The following MEIOSIN variants were observed in gnomAD, a reference collection of about 807,000 sequenced individuals.
The protein encoded by MEIOSIN is meiosis initiator protein.
Under a neutral mutation model 23.4 loss-of-function variants are expected in MEIOSIN, and 18 were observed. That is an observed-to-expected ratio of 0.77 (90% CI 0.53 to 1.14). The LOEUF (loss-of-function observed/expected upper bound fraction) is 1.14, where lower values mean the gene tolerates loss of function less well. MEIOSIN is among the 50% of genes most tolerant of loss of function. The pLI is 0.00. For synonymous variants in MEIOSIN, 187 were observed against 100.6 expected (o/e 1.86, Z -5.14); for missense variants, 428 against 242.9 (o/e 1.76, Z -5.07).
intron 3 of MEIOSIN, among the ~76,000 whole-genome samples, chr19:45,740,401 C>T (rs1211271239): frequency 6.6e-6 from 1 of 152,156 alleles, no homozygotes; most frequent in African/African-American, 2.4e-5. Flanking sequence ...CTGGGACTGT[C>T]CCCTGCTTTG....
rs374157018 is a variant in MEIOSIN, at chr19:45,762,822, C to T, written c.1680-516C>T. 1.7e-4 allele frequency among the ~76,000 whole-genome samples: 26 copies of T among 152,200 alleles called. No homozygotes were observed. In the East Asian group the frequency reaches 1.9e-3, roughly 11 times the overall value. On this transcript the variant is annotated intron_variant, in intron 13 of 14. Transcript: ENST00000457052. ...CCTTGAGACATAGCTGGTTTTAGGG[C>T]TCACACAGGCTGTCTGGAATCTTTG...
At chr19:45,741,890 A>G (rs1968512357) in intron 3 of MEIOSIN, among the ~76,000 whole-genome samples, 1 of 151,888 alleles carries the variant, frequency 6.6e-6, no homozygotes, top group South Asian at 2.1e-4. Flanking sequence ...TTATTTTTTG[A>G]GACGGAGCTT....
At chr19:45,735,773 C>T (rs1968399445) in intron 2 of MEIOSIN, among the ~76,000 whole-genome samples, 2 of 152,004 alleles carry the variant, frequency 1.3e-5, no homozygotes, top group Non-Finnish European at 2.9e-5. Flanking sequence ...GCCTCCTGAA[C>T]TCAAGTGATT....
At chr19:45,734,591 C>G (rs1345403215) in intron 1 of MEIOSIN, among the ~76,000 whole-genome samples, 1 of 151,672 alleles carries the variant, frequency 6.6e-6, no homozygotes, top group East Asian at 1.9e-4. Flanking sequence ...GCAGCCTTGA[C>G]CTCCTGGGCT....
intron 8 of MEIOSIN, among the ~76,000 whole-genome samples, chr19:45,756,761 C>G (rs1336427623): frequency 1.3e-5 from 2 of 152,082 alleles, no homozygotes; most frequent in Non-Finnish European, 2.9e-5. Flanking sequence ...TTCAGTGGCC[C>G]CCAACTCACC....
Position 45,764,479 on chromosome 19 carries a change from C to A in MEIOSIN, c.*361C>A, listed in dbSNP as rs934840692. On this transcript the variant is annotated 3_prime_UTR_variant, in exon 15 of 15. Coordinates refer to ENST00000457052, the MANE Select transcript of MEIOSIN (RefSeq NM_001310124.2). ...TCACCCTACTCCTCCCTCTCCTGTTCTATTTTTAGACTATTTATTGTTTTA... is the reference window on the plus strand; with the variant it reads ...TCACCCTACTCCTCCCTCTCCTGTTATATTTTTAGACTATTTATTGTTTTA... The A allele has an allele frequency of 4.6e-6, 1 of 217,606 alleles. No individual in the cohort carries two copies. The highest frequency in any genetic ancestry group is 2.3e-5 in the African/African-American group (1 of 43,976). 13.5% of individuals were successfully genotyped at this position (217,606 alleles called of 1,614,324 possible).
In MEIOSIN at chr19:45,764,082, C is replaced by T. The variant is rs1183139220; in HGVS notation, c.1881C>T (p.Ala627=). 3.3e-5 allele frequency: 13 copies of T among 398,506 alleles called. No homozygotes were observed. In the Admixed American group the frequency reaches 4.4e-4, roughly 13 times the overall value. 24.7% of individuals were successfully genotyped at this position (398,506 alleles called of 1,614,324 possible). ...CAAAGCCCTTCTACCAGCTGCTGGC[C>T]GAGAAGGCCTTGCCGCTGCCCCCGC... ...ETPKPFYQLL[A]EKALPLPPHL... is the part of the protein sequence containing the mutation. The change falls in exon 15 of 15, where the codon GCC becomes GCT. Residue 627 remains alanine, a synonymous_variant. Coordinates refer to ENST00000457052, the MANE Select transcript of MEIOSIN (RefSeq NM_001310124.2).
rs941194043 is a variant in MEIOSIN, at chr19:45,762,009, C to T, written c.1505C>T (p.Thr502Ile). 1.2e-5 allele frequency: 6 copies of T among 507,406 alleles called. No individual in the cohort carries two copies. Among genetic ancestry groups the T allele is most frequent in the African/African-American group, 7.8e-5 (4 of 51,422 alleles). 31.4% of individuals were successfully genotyped at this position (507,406 alleles called of 1,614,324 possible). A position where few individuals can be genotyped will look rare whatever the true frequency, so the allele number is the denominator to read the frequency against. Reference sequence around the variant, plus strand: ...GACGAAGACACCACATGGACCCCCACCCGGCTGGCCTCACCCCTGCTGGCA... The same window carrying T: ...GACGAAGACACCACATGGACCCCCATCCGGCTGGCCTCACCCCTGCTGGCA... ...EEDEDTTWTP[T>I]RLASPLLAAE... Residue 502 changes from threonine to isoleucine, a missense_variant, in exon 13 of 15, where the codon ACC (threonine) becomes ATC (isoleucine). Physicochemically the swap from Thr to Ile is moderately conservative, Grantham distance 89. Coordinates refer to ENST00000457052, the MANE Select transcript of MEIOSIN (RefSeq NM_001310124.2).
At chr19:45,747,456 G>A (rs75271991) in intron 4 of MEIOSIN, among the ~76,000 whole-genome samples, 5,822 of 152,168 alleles carry the variant, frequency 0.038, 375 homozygotes, top group African/African-American at 0.13. Flanking sequence ...CACCCCCAGC[G>A]TATCACTGCA....
At chr19:45,741,942 G>A (rs943567002) in intron 3 of MEIOSIN, among the ~76,000 whole-genome samples, 1 of 150,254 alleles carries the variant, frequency 6.7e-6, no homozygotes, top group African/African-American at 2.4e-5. Flanking sequence ...GCACGATCTC[G>A]GTTGCTCACT....
At chr19:45,735,061 T>C (rs1568552166) in intron 1 of MEIOSIN, among the ~76,000 whole-genome samples, 1 of 151,644 alleles carries the variant, frequency 6.6e-6, no homozygotes, top group Non-Finnish European at 1.5e-5. Flanking sequence ...GCCCGGCTAA[T>C]TTTTGTATTT....
intron 11 of MEIOSIN, among the ~76,000 whole-genome samples, chr19:45,760,654 C>T (rs984283179): frequency 1.3e-5 from 2 of 151,610 alleles, no homozygotes; most frequent in Non-Finnish European, 2.9e-5. Context: ...TGTGGCCGGG[C>T]GTGGTGGCTC....
intron 6 of MEIOSIN, 41 bp from the exon 7 acceptor site, chr19:45,754,438 A>T (rs1307600745): frequency 4.4e-6 from 3 of 679,298 alleles, no homozygotes; most frequent in Non-Finnish European, 8.1e-6. Context: ...CAGGCAGGTG[A>T]CTCCCAGGCC....
intron 9 of MEIOSIN, among the ~76,000 whole-genome samples, chr19:45,758,205 G>A (rs1274017498): frequency 6.6e-6 from 1 of 152,030 alleles, no homozygotes; most frequent in Non-Finnish European, 1.5e-5. Flanking sequence ...TGTTGGCCAG[G>A]CTGGTCTCGA....
At position 45,739,082 on chromosome 19, in the gene MEIOSIN, T is replaced by C. The variant is rs114350488; in HGVS notation, c.72-544T>C. ...TGATGTTGCCGGGAATCTGCGTCTC[T>C]TGGCTCTGGTATTGTCTGTGTTGGC... On this transcript the variant is annotated intron_variant, in intron 2 of 14. Coordinates refer to ENST00000457052, the MANE Select transcript of MEIOSIN (RefSeq NM_001310124.2). 3.6e-3 allele frequency among the ~76,000 whole-genome samples: 549 copies of C among 152,290 alleles called. 3 individuals are homozygous for C. The highest frequency in any genetic ancestry group is 0.013 in the African/African-American group (527 of 41,558).
intron 3 of MEIOSIN, among the ~76,000 whole-genome samples, chr19:45,740,891 A>C (rs1197896247): frequency 6.6e-6 from 1 of 152,048 alleles, no homozygotes; most frequent in Non-Finnish European, 1.5e-5. Context: ...TAGAAGTCTG[A>C]GCAGCTATCC....
intron 4 of MEIOSIN, among the ~76,000 whole-genome samples, chr19:45,745,710 G>C (rs908772111): frequency 2.6e-5 from 4 of 152,074 alleles, no homozygotes; most frequent in Non-Finnish European, 4.4e-5. Flanking sequence ...GGGACTACAG[G>C]CACAGGCCAC....
intron 9 of MEIOSIN, among the ~76,000 whole-genome samples, chr19:45,757,915 A>G (rs1199517229): frequency 2.0e-5 from 3 of 151,712 alleles, no homozygotes; most frequent in East Asian, 1.9e-4. Flanking sequence ...GAGGCCTCCA[A>G]TTCCTGGACT....
In MEIOSIN at chr19:45,739,785, A is replaced by G. The variant is rs1968469632; in HGVS notation, c.176+55A>G. 30 of 702,390 alleles carry G rather than the reference A, an allele frequency of 4.3e-5. 1 individual carries two copies. The East Asian group carries it at 8.1e-4, about 19-fold the overall frequency. The allele number at this position is 702,390 out of a possible 1,614,324, so 43.5% of individuals were successfully genotyped here. Reference sequence around the variant, plus strand: ...TGTTGGCCAAGCAAAAACATAGCCCATTGTTCAACACCTCTTACCCCTAAA... The same window carrying G: ...TGTTGGCCAAGCAAAAACATAGCCCGTTGTTCAACACCTCTTACCCCTAAA... On this transcript the variant is annotated intron_variant, in intron 3 of 14. Coordinates refer to ENST00000457052, the MANE Select transcript of MEIOSIN (RefSeq NM_001310124.2).
Sources: gnomAD v4.1 joint callset for allele counts (sites outside exome capture counted in the v4.1 genomes callset) on GRCh38, gnomAD v4.1.1 for gene constraint, MANE v1.5 for transcripts, NCBI Gene and HGNC (gene_info 2026-07-23, HGNC 2026-07-21) for gene names.